FREM1: variants seen among roughly 807,000 people sequenced by gnomAD.
The protein encoded by FREM1 is FRAS1 related extracellular matrix 1, also known as FRAS1-related extracellular matrix protein 1.
Under a neutral mutation model 210.1 loss-of-function variants are expected in FREM1, and 220 were observed. That is an observed-to-expected ratio of 1.05 (90% CI 0.94 to 1.17). The LOEUF is 1.17. Among genes scored for constraint, FREM1 ranks in the 50% most tolerant of loss-of-function variants. The pLI, the probability that FREM1 is intolerant of heterozygous loss-of-function variation, is 0.00. For synonymous variants in FREM1, 1,189 were observed against 980.2 expected (o/e 1.21, Z -3.98); for missense variants, 3,454 against 2,675.5 (o/e 1.29, Z -6.42).
At position 14,787,477 on chromosome 9, in the gene FREM1, G is replaced by T. The variant is rs569948953; in HGVS notation, c.4177+1442C>A. On this transcript the variant is annotated intron_variant, in intron 23 of 36. Transcript: ENST00000380880. ...GCTAACTTTATTTCCTTTCTTCCTG[G>T]GTGCAAAGCTAAAGTTTCTATTGCC... Among the ~76,000 whole-genome samples the T allele has an allele frequency of 2.8e-4, 43 of 152,206 alleles. 1 individual carries two copies. Among genetic ancestry groups the T allele is most frequent in the South Asian group, 2.1e-3 (10 of 4,822 alleles).
intron 24 of FREM1, among the ~76,000 whole-genome samples, chr9:14,781,275 G>C (rs957944491): frequency 2.0e-5 from 3 of 152,160 alleles, no homozygotes; most frequent in African/African-American, 7.2e-5. Flanking sequence ...ACATTCTCTG[G>C]TGCATTGCAG....
intron 16 of FREM1, among the ~76,000 whole-genome samples, chr9:14,810,305 G>A (rs1588119080): frequency 3.3e-5 from 5 of 152,108 alleles, no homozygotes. Flanking sequence ...TGGAAGCATA[G>A]GATATATTTA....
In FREM1 at chr9:14,776,047, G is replaced by C; in HGVS notation, c.4599C>G (p.Thr1533=). The C allele has an allele frequency of 6.2e-7, 1 of 1,613,954 alleles. No individual in the cohort carries two copies. The highest frequency in any genetic ancestry group is 2.2e-5 in the East Asian group (1 of 44,876). ...GGTTCTCCGCAGGTGTATCAGGGTC[G>C]GTCAGCTGAAGGAGGTCAGGGGAAA... The part of the protein sequence containing the change: ...GLLSPDLLQL[T]DPDTPAENLT... The change falls in exon 25 of 37, where the codon ACC becomes ACG. Residue 1533 remains threonine (T), a synonymous_variant. Transcript: ENST00000380880.
chr9:14,745,313 T>C (rs182307531), intron 35 of FREM1, among the ~76,000 whole-genome samples: 1 of 152,326 alleles, frequency 6.6e-6, no homozygotes, highest in Admixed American at 6.5e-5. Context: ...TATTTATACT[T>C]CAAACTATTC....
intron 5 of FREM1, among the ~76,000 whole-genome samples, chr9:14,853,511 C>T (rs1424469393): frequency 6.6e-6 from 1 of 152,038 alleles, no homozygotes. Flanking sequence ...TAAATTTGTC[C>T]CTAAGACAAA....
chr9:14,754,735 C>G (rs1488681500), intron 29 of FREM1, among the ~76,000 whole-genome samples: 1 of 151,988 alleles, frequency 6.6e-6, no homozygotes, highest in Non-Finnish European at 1.5e-5. Context: ...AGTTTGAGAC[C>G]AGTCTGGCCA....
chr9:14,750,370 C>A, intron 29 of FREM1, 94 bp from the exon 30 acceptor site: 1 of 942,488 alleles, frequency 1.1e-6, no homozygotes. Context: ...TACAGCTAGA[C>A]TGCAGTAGCC....
intron 1 of FREM1, among the ~76,000 whole-genome samples, chr9:14,898,863 T>C (rs770395327): frequency 6.6e-6 from 1 of 152,128 alleles, no homozygotes; most frequent in Non-Finnish European, 1.5e-5. Flanking sequence ...ATGCAAAACA[T>C]TAATAATAGT....
In FREM1 at chr9:14,804,952, T is replaced by C; in HGVS notation, c.3471+4A>G. 6.3e-7 allele frequency: 1 copy of C among 1,596,098 alleles called. No homozygotes were observed. The highest frequency in any genetic ancestry group is 1.7e-5 in the Admixed American group (1 of 59,410). On this transcript the variant is annotated splice_donor_region_variant and intron_variant, in intron 19 of 36. Coordinates refer to ENST00000380880, the MANE Select transcript of FREM1 (RefSeq NM_001379081.2). ...GAAATGGAACATTTGGATATGTTTC[T>C]TACAGTAATATTCTGCACTACAAAG... is the stretch of plus-strand genomic sequence containing the variant.
chr9:14,774,149 C>T (rs1232259507), intron 25 of FREM1: 1 of 518,832 alleles, frequency 1.9e-6, no homozygotes, highest in Non-Finnish European at 3.8e-6. Flanking sequence ...CTGCCAAGGA[C>T]TCATCCAGCA....
At chr9:14,747,457 A>G (rs2132007643) in intron 32 of FREM1, 29 bp from the exon 33 acceptor site, 5 of 1,599,982 alleles carry the variant, frequency 3.1e-6, no homozygotes, top group African/African-American at 1.3e-5. Context: ...CAACAACAAT[A>G]AGGAAAAAAC....
At chr9:14,815,100 C>T (rs560392086) in intron 15 of FREM1, among the ~76,000 whole-genome samples, 1 of 152,278 alleles carries the variant, frequency 6.6e-6, no homozygotes, top group South Asian at 2.1e-4. Flanking sequence ...AGTGGGAAAA[C>T]GAAAGGAAGA....
At chr9:14,831,504 G>C (rs1356417930) in intron 10 of FREM1, among the ~76,000 whole-genome samples, 1 of 152,194 alleles carries the variant, frequency 6.6e-6, no homozygotes, top group East Asian at 1.9e-4. Flanking sequence ...CCCACTGGCA[G>C]GAAAATGGCC....
At position 14,867,164 on chromosome 9, in the gene FREM1, T is replaced by A. The variant is rs547656483; in HGVS notation, c.234+1580A>T. 2.0e-5 allele frequency among the ~76,000 whole-genome samples: 3 copies of A among 152,250 alleles called. No individual in the cohort carries two copies. In the East Asian group the frequency reaches 5.8e-4, roughly 29 times the overall value. On this transcript the variant is annotated intron_variant, in intron 2 of 36. Transcript: ENST00000380880. ...CGTAAGCTACTGCAACCAGCCTGCA[T>A]TTTCCTTTCGACCCCAGTCCCTGTA...
intron 10 of FREM1, among the ~76,000 whole-genome samples, chr9:14,839,047 G>T (rs898097092): frequency 6.6e-6 from 1 of 152,142 alleles, no homozygotes; most frequent in African/African-American, 2.4e-5. Context: ...TAAGAATACT[G>T]CTACTATATT....
intron 29 of FREM1, among the ~76,000 whole-genome samples, chr9:14,755,176 G>C (rs1844093052): frequency 6.6e-6 from 1 of 152,172 alleles, no homozygotes; most frequent in Non-Finnish European, 1.5e-5. Context: ...TCTGTTTCAA[G>C]CTACCCACTG....
chr9:14,867,126 C>T (rs1437771051), intron 2 of FREM1, among the ~76,000 whole-genome samples: 2 of 152,176 alleles, frequency 1.3e-5, no homozygotes, highest in Non-Finnish European at 2.9e-5. Flanking sequence ...ACCCAAAGTA[C>T]TGGAATTACA....
Position 14,792,740 on chromosome 9 carries a change from A to G in FREM1, c.3981+3T>C. 6.3e-7 allele frequency: 1 copy of G among 1,585,090 alleles called. No homozygotes were observed. The highest frequency in any genetic ancestry group is 8.6e-7 in the Non-Finnish European group (1 of 1,168,706). The stretch of plus-strand genomic sequence containing the variant: ...TGAAAAATAAAAGTAAGAAGTCACT[A>G]ACCTTAAGCTGAAGTTGCCCATTTT... On this transcript the variant is annotated splice_donor_region_variant and intron_variant, in intron 22 of 36. Coordinates refer to ENST00000380880, the MANE Select transcript of FREM1 (RefSeq NM_001379081.2).
In FREM1 at chr9:14,792,736, C is replaced by T. The variant is rs558436242; in HGVS notation, c.3981+7G>A. Reference sequence around the variant, plus strand: ...GTTTTGAAAAATAAAAGTAAGAAGTCACTAACCTTAAGCTGAAGTTGCCCA... The same window carrying T: ...GTTTTGAAAAATAAAAGTAAGAAGTTACTAACCTTAAGCTGAAGTTGCCCA... On this transcript the variant is annotated splice_region_variant and intron_variant, in intron 22 of 36. Transcript: ENST00000380880. 151 of 1,581,442 alleles carry T rather than the reference C, an allele frequency of 9.5e-5. No individual in the cohort carries two copies. In the South Asian group the frequency reaches 1.7e-3, roughly 18 times the overall value.
Sources: allele counts gnomAD v4.1 joint callset (sites outside exome capture counted in the v4.1 genomes callset), GRCh38; gene constraint gnomAD v4.1.1; transcripts MANE v1.5; gene names NCBI Gene and HGNC (gene_info 2026-07-23, HGNC 2026-07-21).